AFAP1: variants seen among roughly 807,000 people sequenced by gnomAD.
AFAP1 encodes the protein actin filament-associated protein 1.
AFAP1 carries 75 observed loss-of-function variants against 93.9 expected under a neutral mutation model. That is an observed-to-expected ratio of 0.80 (90% CI 0.66 to 0.97). The LOEUF is 0.97. AFAP1 is among the 50% of genes least tolerant of loss of function. AFAP1 has a pLI of 0.00. For missense variants in AFAP1, 1,201 were observed against 1,050.8 expected (o/e 1.14, Z -1.98); for synonymous variants, 517 against 430.7 (o/e 1.20, Z -2.48).
chr4:7,813,898 A>T (rs1720253669), intron 8 of AFAP1, among the ~76,000 whole-genome samples: 1 of 152,164 alleles, frequency 6.6e-6, no homozygotes, highest in Admixed American at 6.5e-5. Flanking sequence ...CCACAGAGAC[A>T]GGAAACACTT....
At chr4:7,907,561 T>C (rs1719487746) in intron 1 of AFAP1, among the ~76,000 whole-genome samples, 1 of 152,130 alleles carries the variant, frequency 6.6e-6, no homozygotes, top group African/African-American at 2.4e-5. Context: ...GGTCCAGAAC[T>C]CCTGCAACAA....
chr4:7,763,681 G>A lies in AFAP1; in HGVS notation c.*84C>T. The A allele has an allele frequency of 6.6e-7, 1 of 1,518,884 alleles. No homozygotes were observed. Among genetic ancestry groups the A allele is most frequent in the African/African-American group, 1.4e-5 (1 of 72,460 alleles). The allele number at this position is 1,518,884 out of a possible 1,614,324, so 94.1% of individuals were successfully genotyped here. A position where few individuals can be genotyped will look rare whatever the true frequency, so the allele number is the denominator to read the frequency against. ...GGAGTCGTGCAGCTGAGGCCACTCT[G>A]GGCAGAGCTTCCTGCCGTCACACAG... On this transcript the variant is annotated 3_prime_UTR_variant, in exon 18 of 18. Coordinates refer to ENST00000420658, the MANE Select transcript of AFAP1 (RefSeq NM_001134647.2).
chr4:7,860,739 G>A (rs546425634), intron 3 of AFAP1, among the ~76,000 whole-genome samples: 7 of 152,234 alleles, frequency 4.6e-5, no homozygotes, highest in Admixed American at 3.3e-4. Context: ...ACCACACAGC[G>A]GGCTGAGCGG....
chr4:7,786,665 T>A (rs1188547095), intron 11 of AFAP1, among the ~76,000 whole-genome samples: 1 of 152,134 alleles, frequency 6.6e-6, no homozygotes, highest in East Asian at 1.9e-4. Context: ...AGTCTGCAAA[T>A]AACAGGTGTT....
At chr4:7,852,416 T>C (rs1020771331) in intron 4 of AFAP1, among the ~76,000 whole-genome samples, 1 of 152,138 alleles carries the variant, frequency 6.6e-6, no homozygotes, top group African/African-American at 2.4e-5. Flanking sequence ...AAGTGGCTCC[T>C]GCAGTGGCTG....
At chr4:7,845,439 A>G (rs2149120744) in intron 4 of AFAP1, among the ~76,000 whole-genome samples, 1 of 151,588 alleles carries the variant, frequency 6.6e-6, no homozygotes, top group African/African-American at 2.4e-5. Flanking sequence ...TATTACTTTA[A>G]GTCCAGGAAG....
Position 7,763,489 on chromosome 4 carries a change from C to T in AFAP1, c.*276G>A, listed in dbSNP as rs952810575. 13 of 481,804 alleles carry T rather than the reference C, an allele frequency of 2.7e-5. No homozygotes were observed. Among genetic ancestry groups the T allele is most frequent in the East Asian group, 7.3e-5 (2 of 27,274 alleles). 29.8% of individuals were successfully genotyped at this position (481,804 alleles called of 1,614,324 possible). A position where few individuals can be genotyped will look rare whatever the true frequency, so the allele number is the denominator to read the frequency against. On this transcript the variant is annotated 3_prime_UTR_variant, in exon 18 of 18. Coordinates refer to ENST00000420658, the MANE Select transcript of AFAP1 (RefSeq NM_001134647.2). ...CTATCTGGTTAGAAAGATGTCACTT[C>T]GCCTGATAGCATCCTTTCAAACACC...
At chr4:7,872,697 T>C (rs115507278) in intron 1 of AFAP1, among the ~76,000 whole-genome samples, 12 of 152,262 alleles carry the variant, frequency 7.9e-5, no homozygotes, top group African/African-American at 2.2e-4. Flanking sequence ...CAGCAGTTTG[T>C]AGATGATGAT....
intron 9 of AFAP1, 32 bp from the exon 10 acceptor site, chr4:7,800,685 C>T (rs1303706230): frequency 5.6e-6 from 9 of 1,612,742 alleles, no homozygotes; most frequent in East Asian, 4.5e-5. Flanking sequence ...GGTCAGCCGC[C>T]TCGGACAAGA....
At chr4:7,854,835 C>A (rs904236143) in intron 4 of AFAP1, among the ~76,000 whole-genome samples, 1 of 152,158 alleles carries the variant, frequency 6.6e-6, no homozygotes, top group East Asian at 1.9e-4. Context: ...ATAGAGCCAC[C>A]AATTCAGAAA....
At chr4:7,867,782 T>C (rs1716590635) in intron 3 of AFAP1, among the ~76,000 whole-genome samples, 2 of 68,316 alleles carry the variant, frequency 2.9e-5, no homozygotes, top group Admixed American at 1.3e-4. Context: ...CAGTAAGTGC[T>C]TGTTTCCCTC....
intron 14 of AFAP1, 177 bp downstream of exon 14, chr4:7,778,585 C>G (rs1463779643): frequency 1.2e-5 from 8 of 657,648 alleles, no homozygotes; most frequent in Non-Finnish European, 1.9e-5. Flanking sequence ...GTCAGAAAAG[C>G]TGGGTTGAAA....
At chr4:7,838,190 G>A (rs1292786594) in intron 6 of AFAP1, among the ~76,000 whole-genome samples, 4 of 152,056 alleles carry the variant, frequency 2.6e-5, no homozygotes, top group African/African-American at 7.2e-5. Context: ...AAATCCACAA[G>A]ATTTCAGAAG....
chr4:7,878,060 C>T (rs1055601076), intron 1 of AFAP1, among the ~76,000 whole-genome samples: 4 of 152,222 alleles, frequency 2.6e-5, no homozygotes, highest in African/African-American at 9.6e-5. Flanking sequence ...CAAAATCTCA[C>T]TACGGCGCCA....
chr4:7,873,327 C>G (rs908757257), intron 1 of AFAP1, among the ~76,000 whole-genome samples: 5 of 141,828 alleles, frequency 3.5e-5, no homozygotes, highest in Admixed American at 7.2e-5. Context: ...TTAAATCTAA[C>G]CTTTGAAGAC....
chr4:7,878,813 A>G (rs1208190509), intron 1 of AFAP1, among the ~76,000 whole-genome samples: 2 of 152,210 alleles, frequency 1.3e-5, no homozygotes, highest in East Asian at 3.9e-4. Context: ...GTTAAAAATA[A>G]GAGCCAGAAT....
intron 13 of AFAP1, 131 bp from the exon 14 acceptor site, chr4:7,779,007 C>T (rs1197987390): frequency 3.0e-5 from 21 of 701,858 alleles, no homozygotes; most frequent in Middle Eastern, 3.7e-4. Context: ...GAGGAAAAAT[C>T]GAAAGTGAAA....
At chr4:7,794,850 T>G (rs1177550552) in intron 10 of AFAP1, among the ~76,000 whole-genome samples, 1 of 152,200 alleles carries the variant, frequency 6.6e-6, no homozygotes, top group African/African-American at 2.4e-5. Context: ...TAAAGTGATT[T>G]AGAAAATCAG....
intron 16 of AFAP1, 57 bp from the exon 17 acceptor site, chr4:7,769,065 C>G: frequency 6.7e-7 from 1 of 1,496,640 alleles, no homozygotes; most frequent in South Asian, 1.3e-5. Flanking sequence ...CTGGTATTCT[C>G]CAGCAGGAAA....
Sources: gnomAD v4.1 joint callset for allele counts (sites outside exome capture counted in the v4.1 genomes callset) on GRCh38, gnomAD v4.1.1 for gene constraint, MANE v1.5 for transcripts, NCBI Gene and HGNC (gene_info 2026-07-23, HGNC 2026-07-21) for gene names.